Variants in CPNE3 observed in about 807,000 individuals in gnomAD.
The protein encoded by CPNE3 is copine 3.
Under a neutral mutation model 63.9 loss-of-function variants are expected in CPNE3, and 68 were observed. That is an observed-to-expected ratio of 1.06 (90% CI 0.87 to 1.30). The LOEUF is 1.30. Ranked by LOEUF, CPNE3 falls within the 50% of genes most tolerant of loss-of-function variation. The pLI is 0.00. For synonymous variants in CPNE3, 219 were observed against 197.5 expected (o/e 1.11, Z -0.91); for missense variants, 665 against 578.1 (o/e 1.15, Z -1.54).
intron 7 of CPNE3, among the ~76,000 whole-genome samples, chr8:86,538,102 T>G (rs1820844772): frequency 6.6e-6 from 1 of 152,006 alleles, no homozygotes; most frequent in Admixed American, 6.6e-5. Context: ...AGACCAAGTG[T>G]GGTGGCTCAT....
chr8:86,549,658 G>A (rs1341919147), intron 12 of CPNE3, among the ~76,000 whole-genome samples: 1 of 152,224 alleles, frequency 6.6e-6, no homozygotes, highest in Non-Finnish European at 1.5e-5. Context: ...TGACAAAATA[G>A]AGGTTTATTT....
intron 16 of CPNE3, among the ~76,000 whole-genome samples, chr8:86,556,610 AT>A (rs1821332001): frequency 6.6e-6 from 1 of 152,218 alleles, no homozygotes; most frequent in African/African-American, 2.4e-5. Flanking sequence ...AAAAACTCTT[AT>A]GTAACTGTAT....
chr8:86,518,374 T>C (rs757520399), intron 2 of CPNE3, among the ~76,000 whole-genome samples: 2 of 152,198 alleles, frequency 1.3e-5, no homozygotes, highest in Non-Finnish European at 2.9e-5. Context: ...CTTCACAGGT[T>C]GGTGTACCTT....
chr8:86,545,461 C>CAAA (rs1821027428), intron 9 of CPNE3: 1 of 152,152 alleles, frequency 6.6e-6, no homozygotes, highest in East Asian at 1.9e-4. Context: ...GTGAAGTAAT[C>CAAA]TAGCCCTTTT....
chr8:86,520,480 A>C (rs914468213), intron 2 of CPNE3, among the ~76,000 whole-genome samples: 6 of 151,558 alleles, frequency 4.0e-5, no homozygotes, highest in Admixed American at 2.0e-4. Flanking sequence ...ACTTGAACCC[A>C]GGAGGCGGAG....
In CPNE3 at chr8:86,560,370, T is replaced by C. The variant is rs1052451952; in HGVS notation, c.*1960T>C. ...TACAGTAAAACAGACAGAAGTGAGC[T>C]TATCTGTTTGATGCTGTGGCAGGGT... On this transcript the variant is annotated 3_prime_UTR_variant, in exon 17 of 17. Coordinates refer to ENST00000517490, the MANE Select transcript of CPNE3 (RefSeq NM_003909.5). 2.0e-5 allele frequency: 3 copies of C among 152,180 alleles called. No individual in the cohort carries two copies. Among genetic ancestry groups the C allele is most frequent in the African/African-American group, 7.2e-5 (3 of 41,448 alleles). The allele number at this position is 152,180 out of a possible 1,614,324, so 9.4% of individuals were successfully genotyped here.
At chr8:86,556,376 C>G in intron 16 of CPNE3, 38 bp downstream of exon 16, 1 of 869,720 alleles carries the variant, frequency 1.1e-6, no homozygotes, top group East Asian at 2.4e-5. Context: ...ACTAAAGTGA[C>G]TGAACACAGA....
At chr8:86,539,083 T>C (rs1328159809) in intron 7 of CPNE3, among the ~76,000 whole-genome samples, 2 of 151,874 alleles carry the variant, frequency 1.3e-5, no homozygotes, top group Non-Finnish European at 2.9e-5. Flanking sequence ...TTCATCTCTC[T>C]CTTTCTCTGC....
chr8:86,547,649 G>A, intron 10 of CPNE3, 62 bp from the exon 11 acceptor site: 1 of 761,840 alleles, frequency 1.3e-6, no homozygotes, highest in Non-Finnish European at 2.3e-6. Context: ...ATATGCCAAA[G>A]AGTTTTTTGC....
intron 10 of CPNE3, 137 bp from the exon 11 acceptor site, chr8:86,547,574 C>T: frequency 4.9e-6 from 3 of 614,284 alleles, no homozygotes; most frequent in Middle Eastern, 8.7e-4. Context: ...GTATCTTAAA[C>T]CTGAATGCAG....
intron 2 of CPNE3, among the ~76,000 whole-genome samples, chr8:86,521,351 G>A (rs573927848): frequency 6.6e-6 from 1 of 152,072 alleles, no homozygotes; most frequent in Non-Finnish European, 1.5e-5. Flanking sequence ...TTGTTATTCT[G>A]GTTACGTTTG....
chr8:86,514,989 G>A (rs1820247354), intron 1 of CPNE3, among the ~76,000 whole-genome samples: 1 of 152,208 alleles, frequency 6.6e-6, no homozygotes, highest in Non-Finnish European at 1.5e-5. Flanking sequence ...CCCACACCAC[G>A]TCCGTGGTGA....
At position 86,519,052 on chromosome 8, in the gene CPNE3, G is replaced by A. The variant is rs185054042; in HGVS notation, c.-11+3553G>A. Among the ~76,000 whole-genome samples the A allele has an allele frequency of 5.3e-5, 8 of 152,264 alleles. No homozygotes were observed. The South Asian group carries it at 6.2e-4, about 12-fold the overall frequency. On this transcript the variant is annotated intron_variant, in intron 2 of 16. Coordinates refer to ENST00000517490, the MANE Select transcript of CPNE3 (RefSeq NM_003909.5). Reference sequence around the variant, plus strand: ...ACTGGGATTATAAGCATCAGCCACCGTGCCTGGCCCAACCCTGCTTCTATT... The same window carrying A: ...ACTGGGATTATAAGCATCAGCCACCATGCCTGGCCCAACCCTGCTTCTATT...
intron 12 of CPNE3, among the ~76,000 whole-genome samples, chr8:86,548,717 G>T (rs1821108458): frequency 6.6e-6 from 1 of 152,062 alleles, no homozygotes; most frequent in Non-Finnish European, 1.5e-5. Flanking sequence ...CAAGGCTCTT[G>T]TTTCTTTAGT....
intron 8 of CPNE3, among the ~76,000 whole-genome samples, chr8:86,542,849 A>G (rs1820972698): frequency 1.3e-5 from 2 of 152,036 alleles, no homozygotes; most frequent in Admixed American, 1.3e-4. Context: ...TTTTTAGTTT[A>G]AAAATATTAT....
chr8:86,533,428 A>G (rs1281995707), intron 6 of CPNE3, among the ~76,000 whole-genome samples: 1 of 149,670 alleles, frequency 6.7e-6, no homozygotes, highest in Non-Finnish European at 1.5e-5. Flanking sequence ...CTGTAATCCC[A>G]TGTGAGGTGG....
At chr8:86,540,097 C>G in intron 7 of CPNE3, 148 bp from the exon 8 acceptor site, 1 of 600,266 alleles carries the variant, frequency 1.7e-6, no homozygotes, top group South Asian at 1.9e-5. Context: ...TAATATTGTT[C>G]TAGGTAGTTT....
At chr8:86,521,846 CTTATA>C (rs1372634120) in intron 2 of CPNE3, 1 of 152,016 alleles carries the variant, frequency 6.6e-6, no homozygotes, top group Non-Finnish European at 1.5e-5. Flanking sequence ...ACTGGAGTGC[CTTATA>C]TTATAGTCAT....
At chr8:86,543,422 G>A (rs1196446732) in intron 8 of CPNE3, among the ~76,000 whole-genome samples, 1 of 152,024 alleles carries the variant, frequency 6.6e-6, no homozygotes, top group Non-Finnish European at 1.5e-5. Context: ...TAGAACTGAG[G>A]GGAAAAATAG....
Sources: allele counts gnomAD v4.1 joint callset (sites outside exome capture counted in the v4.1 genomes callset), GRCh38; gene constraint gnomAD v4.1.1; transcripts MANE v1.5; gene names NCBI Gene and HGNC (gene_info 2026-07-23, HGNC 2026-07-21).